Variants in LCN2 observed in about 807,000 individuals in gnomAD.
LCN2 encodes lipocalin 2.
Under a neutral mutation model 26.4 loss-of-function variants are expected in LCN2, and 27 were observed. The observed-to-expected ratio is 1.02, with a 90% CI of 0.76 to 1.41. The LOEUF (loss-of-function observed/expected upper bound fraction) is 1.41. LCN2 is among the 40% of genes most tolerant of loss of function. The probability of loss-of-function intolerance (pLI) is 0.00; values close to 1 mark genes in which losing one functional copy is unlikely to be tolerated. For missense variants in LCN2, 224 were observed against 237.6 expected (o/e 0.94, Z 0.38); for synonymous variants, 94 against 98.9 (o/e 0.95, Z 0.30).
At chr9:128,152,069 C>T (rs777900182) in intron 4 of LCN2, 44 bp downstream of exon 4, 9 of 1,612,934 alleles carry the variant, frequency 5.6e-6, no homozygotes, top group Admixed American at 3.3e-5. Context: ...CCTGATCACA[C>T]TTAGTGGGAG....
chr9:128,151,733 G>A lies in LCN2; in HGVS notation c.355+16G>A, dbSNP rs745961653. On this transcript the variant is annotated intron_variant, in intron 3 of 6. Transcript: ENST00000277480. ...AACATTAAGAGTGAGTCTTGAGTGA[G>A]GTGGGGCACTGAGTTGGGGCTCCGG... The A allele has an allele frequency of 1.2e-6, 2 of 1,612,376 alleles. No homozygotes were observed. The highest frequency in any genetic ancestry group is 3.3e-5 in the Admixed American group (2 of 60,006).
rs747196829 is a variant in LCN2 at position 128,149,599 on chromosome 9, C to T, written c.74C>T (p.Ser25Leu). The T allele has an allele frequency of 6.2e-7, 1 of 1,613,952 alleles. No homozygotes were observed. The highest frequency in any genetic ancestry group is 8.5e-7 in the Non-Finnish European group (1 of 1,179,936). The change falls in exon 1 of 7, where the codon TCA becomes TTA. Residue 25 changes from serine (S) to leucine (L), a missense_variant. By Grantham distance (145) the Ser-to-Leu change is moderately radical. Coordinates refer to ENST00000277480, the MANE Select transcript of LCN2 (RefSeq NM_005564.5). The part of the protein sequence containing the change: ...ALHAQAQDST[S>L]DLIPAPPLSK... ...CATGCCCAGGCCCAGGACTCCACCT[C>T]AGACCTGATCCCAGCCCCACCTCTG... is the stretch of plus-strand genomic sequence containing the variant.
At chr9:128,152,318 TG>T (rs1829140494) in intron 5 of LCN2, 34 bp downstream of exon 5, 1 of 1,573,762 alleles carries the variant, frequency 6.4e-7, no homozygotes, top group African/African-American at 1.4e-5. Context: ...GACGGGGACA[TG>T]GGGACTGTTC....
At position 128,149,681 on chromosome 9, in the gene LCN2, G is replaced by A. The variant is rs200670410; in HGVS notation, c.138+18G>A. On this transcript the variant is annotated intron_variant, in intron 1 of 6. Coordinates refer to ENST00000277480, the MANE Select transcript of LCN2 (RefSeq NM_005564.5). ...ACAACCAAGTAAGGGGCCAAGAGGG[G>A]CACCTGCAGGCAGGGCCTGGGGAAG... 560 of 1,613,254 alleles carry A rather than the reference G, an allele frequency of 3.5e-4. 5 individuals are homozygous for A. Among genetic ancestry groups the A allele is most frequent in the Admixed American group, 1.5e-4 (9 of 59,992 alleles).
chr9:128,151,922 G>A lies in LCN2; in HGVS notation c.372G>A (p.Thr124=), dbSNP rs762395225. 9.9e-6 allele frequency: 16 copies of A among 1,613,966 alleles called. No individual in the cohort carries two copies. Among genetic ancestry groups the A allele is most frequent in the African/African-American group, 6.7e-5 (5 of 74,910 alleles). ...LGNIKSYPGL[T]SYLVRVVSTN... The stretch of plus-strand genomic sequence containing the variant: ...CGCCTGCAGGTTACCCTGGATTAAC[G>A]AGTTACCTCGTCCGAGTGGTGAGCA... Residue 124 remains threonine (T), a synonymous_variant, in exon 4 of 7, where the codon ACG becomes ACA. Transcript: ENST00000277480.
chr9:128,149,751 G>A (rs1203330708), intron 1 of LCN2, 88 bp downstream of exon 1: 34 of 1,525,338 alleles, frequency 2.2e-5, no homozygotes, highest in South Asian at 1.3e-4. Context: ...CAGGAAGAGC[G>A]TTGGGCAGGA....
Position 128,152,030 on chromosome 9 carries a change from G to A in LCN2, c.475+5G>A, listed in dbSNP as rs369137326. 8 of 1,613,946 alleles carry A rather than the reference G, an allele frequency of 5.0e-6. No individual in the cohort carries two copies. Among genetic ancestry groups the A allele is most frequent in the African/African-American group, 2.7e-5 (2 of 74,928 alleles). ...ACTTCAAGATCACCCTCTACGGTGG[G>A]TCCTCTCCCATCCCCTCGGGGACTG... On this transcript the variant is annotated splice_donor_5th_base_variant and intron_variant, in intron 4 of 6. Transcript: ENST00000277480.
Position 128,153,098 on chromosome 9 carries a change from A to G in LCN2, c.578-2A>G. On this transcript the variant is annotated splice_acceptor_variant, in intron 5 of 6. Transcript: ENST00000277480. LOFTEE classifies it high-confidence loss of function. The surrounding 1 kb of genome is among the most constrained non-coding windows in gnomAD (Gnocchi z 5.4). ...TGTTCTGACGGACTTTCTCCCTAAC[A>G]GACCAGTGTATCGACGGCTGAGTGC... 3 of 1,614,086 alleles carry G rather than the reference A, an allele frequency of 1.9e-6. No individual in the cohort carries two copies. Among genetic ancestry groups the G allele is most frequent in the Non-Finnish European group, 1.7e-6 (2 of 1,179,984 alleles).
At chr9:128,151,578 G>A in intron 2 of LCN2, 60 bp from the exon 3 acceptor site, 2 of 1,385,814 alleles carry the variant, frequency 1.4e-6, no homozygotes, top group Non-Finnish European at 1.0e-6. Flanking sequence ...ACCTTGTCCA[G>A]CACAGGAGGC....
intron 5 of LCN2, among the ~76,000 whole-genome samples, chr9:128,152,621 G>A (rs1373566917): frequency 1.3e-5 from 2 of 152,092 alleles, no homozygotes; most frequent in Non-Finnish European, 2.9e-5. Flanking sequence ...CCCTTGTTCT[G>A]GGCCATCTCC....
At chr9:128,151,376 C>G (rs1249934253) in intron 2 of LCN2, 4 of 578,302 alleles carry the variant, frequency 6.9e-6, no homozygotes, top group Non-Finnish European at 1.3e-5. Context: ...AGAAGGACAT[C>G]GGGTGCTGGA....
At chr9:128,152,637 C>G (rs1829148299) in intron 5 of LCN2, among the ~76,000 whole-genome samples, 1 of 152,210 alleles carries the variant, frequency 6.6e-6, no homozygotes, top group Non-Finnish European at 1.5e-5. Context: ...TCTCCCCCGA[C>G]CCTCCCAGGC....
At chr9:128,152,118 C>T in intron 4 of LCN2, 65 bp from the exon 5 acceptor site, 1 of 1,608,240 alleles carries the variant, frequency 6.2e-7, no homozygotes, top group Non-Finnish European at 8.5e-7. Context: ...TCTGAGGCCT[C>T]ATCTACTCAT....
chr9:128,153,412 T>G lies in LCN2; in HGVS notation c.*109T>G, dbSNP rs1057496081. 2 of 544,574 alleles carry G rather than the reference T, an allele frequency of 3.7e-6. No homozygotes were observed. Among genetic ancestry groups the G allele is most frequent in the Non-Finnish European group, 6.7e-6 (2 of 300,016 alleles). The allele number at this position is 544,574 out of a possible 1,614,324, so 33.7% of individuals were successfully genotyped here. On this transcript the variant is annotated 3_prime_UTR_variant, in exon 7 of 7. Coordinates refer to ENST00000277480, the MANE Select transcript of LCN2 (RefSeq NM_005564.5). This position sits in a 1 kb window ranked among gnomAD's most constrained non-coding sequence, Gnocchi z 5.4. ...GCTGCTCCCCAGGCCACCCCGCTGA[T>G]GGAGCCCCACCTTGTCTGCTAAATA...
At chr9:128,151,859 T>A in intron 3 of LCN2, 47 bp from the exon 4 acceptor site, 1 of 1,610,958 alleles carries the variant, frequency 6.2e-7, no homozygotes, top group Non-Finnish European at 8.5e-7. Context: ...GACAGCTCCC[T>A]CCTCCCATCC....
chr9:128,153,366 C>T lies in LCN2; in HGVS notation c.*63C>T, dbSNP rs1261419593. Reference sequence around the variant, plus strand: ...ACCATTGAGGGAGCTGGGAGACCCTCCCCACAGTGCCACCCATGCAGCTGC... The same window carrying T: ...ACCATTGAGGGAGCTGGGAGACCCTTCCCACAGTGCCACCCATGCAGCTGC... On this transcript the variant is annotated 3_prime_UTR_variant, in exon 7 of 7. Coordinates refer to ENST00000277480, the MANE Select transcript of LCN2 (RefSeq NM_005564.5). The surrounding 1 kb of genome is among the most constrained non-coding windows in gnomAD (Gnocchi z 5.4). 1 of 582,284 alleles carries T rather than the reference C, an allele frequency of 1.7e-6. No homozygotes were observed. Among genetic ancestry groups the T allele is most frequent in the Non-Finnish European group, 3.1e-6 (1 of 323,582 alleles). The allele number at this position is 582,284 out of a possible 1,614,324, so 36.1% of individuals were successfully genotyped here.
intron 2 of LCN2, among the ~76,000 whole-genome samples, chr9:128,150,773 A>G (rs1834999088): frequency 6.6e-6 from 1 of 152,184 alleles, no homozygotes. Context: ...CCCCTTCAGG[A>G]AGGAGCAAGC....
chr9:128,151,409 C>G, intron 2 of LCN2: 1 of 606,974 alleles, frequency 1.6e-6, no homozygotes, highest in Non-Finnish European at 3.0e-6. Context: ...GGTCCAGGGG[C>G]CCCAGGCAGG....
Position 128,153,442 on chromosome 9 carries a change from T to G in LCN2, c.*139T>G. ...CCCCACCTTGTCTGCTAAATAAACA[T>G]GTGCCCTCAGGCCTCTGAGTCTACA... On this transcript the variant is annotated 3_prime_UTR_variant, in exon 7 of 7. Transcript: ENST00000277480. The surrounding 1 kb of genome is among the most constrained non-coding windows in gnomAD (Gnocchi z 5.4). The G allele has an allele frequency of 2.1e-6, 1 of 485,116 alleles. No individual in the cohort carries two copies. The highest frequency in any genetic ancestry group is 3.8e-6 in the Non-Finnish European group (1 of 262,210). 30.1% of individuals were successfully genotyped at this position (485,116 alleles called of 1,614,324 possible). A position where few individuals can be genotyped will look rare whatever the true frequency, so the allele number is the denominator to read the frequency against.
Sources: gnomAD v4.1 joint callset for allele counts (sites outside exome capture counted in the v4.1 genomes callset) on GRCh38, gnomAD v4.1.1 for gene constraint, Gnocchi (gnomAD v3.1) non-coding constraint, MANE v1.5 for transcripts, NCBI Gene and HGNC (gene_info 2026-07-23, HGNC 2026-07-21) for gene names.